SMYD3: variants seen among roughly 807,000 people sequenced by gnomAD.
SMYD3 encodes the protein histone-lysine N-methyltransferase SMYD3.
Under a neutral mutation model 57.7 loss-of-function variants are expected in SMYD3, and 36 were observed. The observed-to-expected ratio is 0.62, with a 90% confidence interval of 0.48 to 0.82. The LOEUF (loss-of-function observed/expected upper bound fraction) is 0.82. Ranked by LOEUF, SMYD3 falls within the 40% of genes least tolerant of loss-of-function variation. The pLI, the probability that SMYD3 is intolerant of heterozygous loss-of-function variation, is 0.00. For synonymous variants in SMYD3, 211 were observed against 195.0 expected (o/e 1.08, Z -0.68); for missense variants, 515 against 538.8 (o/e 0.96, Z 0.44).
At position 245,979,954 on chromosome 1, in the gene SMYD3, G is replaced by A. The variant is rs563641092; in HGVS notation, c.532-50017C>T. ...CTTCCAGATCCCAGGGGTGAGAAGC[G>A]CAGCTTCTGCGTCAGACACCAGTCT... On this transcript the variant is annotated intron_variant, in intron 5 of 11. Transcript: ENST00000490107. Among the ~76,000 whole-genome samples, 12 of 152,316 alleles carry A rather than the reference G, an allele frequency of 7.9e-5. No homozygotes were observed. In the East Asian group the frequency reaches 1.4e-3, roughly 17 times the overall value.
Position 246,431,252 on chromosome 1 carries a change from A to AT in SMYD3, c.164+75801dup, listed in dbSNP as rs1210872451. Among the ~76,000 whole-genome samples, 7 of 152,338 alleles carry AT rather than the reference A, an allele frequency of 4.6e-5. No homozygotes were observed. In the East Asian group the frequency reaches 1.3e-3, roughly 29 times the overall value. On this transcript the variant is annotated intron_variant, in intron 1 of 11. Transcript: ENST00000490107. ...AAAAAACAATAAACGCACACATAGG[A>AT]TTTTTACATTCAACAAGCATAACTA...
chr1:246,129,769 C>T (rs1448854842), intron 5 of SMYD3, among the ~76,000 whole-genome samples: 2 of 152,112 alleles, frequency 1.3e-5, no homozygotes, highest in African/African-American at 2.4e-5. Flanking sequence ...GTTCTGAACA[C>T]ATTTCTTTCT....
At chr1:246,065,609 T>C (rs2060327400) in intron 5 of SMYD3, among the ~76,000 whole-genome samples, 1 of 152,230 alleles carries the variant, frequency 6.6e-6, no homozygotes, top group Admixed American at 6.5e-5. Context: ...TTTCATCACC[T>C]ATAAACGTAA....
intron 11 of SMYD3, among the ~76,000 whole-genome samples, chr1:245,752,504 T>G (rs1210687097): frequency 1.3e-5 from 2 of 151,388 alleles, no homozygotes; most frequent in Non-Finnish European, 2.9e-5. Context: ...TTCAACAACA[T>G]AAGTTCACTG....
Position 245,998,534 on chromosome 1 carries a change from T to G in SMYD3, c.532-68597A>C, listed in dbSNP as rs576567107. On this transcript the variant is annotated intron_variant, in intron 5 of 11. Coordinates refer to ENST00000490107, the MANE Select transcript of SMYD3 (RefSeq NM_001167740.2). ...TGAAAAGTAAATATTGGTGAGGATG[T>G]AGAGAAACTGGAATCCTCGTGCATT... Among the ~76,000 whole-genome samples, 9 of 152,302 alleles carry G rather than the reference T, an allele frequency of 5.9e-5. No individual in the cohort carries two copies. In the South Asian group the frequency reaches 1.9e-3, roughly 32 times the overall value.
chr1:245,874,192 C>T (rs2052369353), intron 8 of SMYD3, among the ~76,000 whole-genome samples: 1 of 152,202 alleles, frequency 6.6e-6, no homozygotes, highest in Admixed American at 6.5e-5. Flanking sequence ...GAAGACAACA[C>T]TCAACATGGT....
At chr1:246,115,486 G>A (rs2061328487) in intron 5 of SMYD3, among the ~76,000 whole-genome samples, 1 of 152,096 alleles carries the variant, frequency 6.6e-6, no homozygotes, top group African/African-American at 2.4e-5. Flanking sequence ...TGTGTTACAG[G>A]GGGAAAAAAA....
chr1:246,296,496 T>C (rs1021988877), intron 5 of SMYD3, among the ~76,000 whole-genome samples: 2 of 152,190 alleles, frequency 1.3e-5, no homozygotes, highest in Non-Finnish European at 2.9e-5. Context: ...ATATAGTTAA[T>C]GCAGATTTAT....
intron 5 of SMYD3, among the ~76,000 whole-genome samples, chr1:245,993,607 TAGATAGATAGATAGATAGATAGATAGAC>T (rs1297162172): frequency 2.2e-3 from 170 of 76,734 alleles, no homozygotes; most frequent in Admixed American, 3.9e-3. Flanking sequence ...GATAGATAGA[TAGATAGATAGATAGATAGATAGATAGAC>T]AGACAGACAG....
intron 5 of SMYD3, among the ~76,000 whole-genome samples, chr1:246,032,458 C>T (rs943681280): frequency 2.6e-5 from 4 of 152,196 alleles, no homozygotes; most frequent in African/African-American, 9.6e-5. Context: ...CCTGCCCTAG[C>T]ACTGAAGGAG....
At chr1:246,126,174 G>A (rs1336772770) in intron 5 of SMYD3, among the ~76,000 whole-genome samples, 1 of 152,204 alleles carries the variant, frequency 6.6e-6, no homozygotes, top group African/African-American at 2.4e-5. Flanking sequence ...TCCCCATCTG[G>A]GCATGAGCAC....
intron 10 of SMYD3, among the ~76,000 whole-genome samples, chr1:245,851,481 C>T (rs1294264927): frequency 6.6e-6 from 1 of 152,192 alleles, no homozygotes; most frequent in Non-Finnish European, 1.5e-5. Context: ...CAAATGATAT[C>T]TCTTGCTCTG....
At position 245,823,573 on chromosome 1, in the gene SMYD3, A is replaced by G. The variant is rs1225540157; in HGVS notation, c.1076+34923T>C. ...AGCAGGATTTACCAAATTCAGCCAT[A>G]TGGACAATATTCACAGATACTCATT... On this transcript the variant is annotated intron_variant, in intron 10 of 11. Transcript: ENST00000490107. Among the ~76,000 whole-genome samples, 2 of 152,216 alleles carry G rather than the reference A, an allele frequency of 1.3e-5. 1 individual carries two copies. Among genetic ancestry groups the G allele is most frequent in the Middle Eastern group, 6.3e-3 (2 of 316 alleles).
At chr1:245,995,383 A>C (rs1471112662) in intron 5 of SMYD3, among the ~76,000 whole-genome samples, 2 of 152,234 alleles carry the variant, frequency 1.3e-5, no homozygotes, top group Non-Finnish European at 2.9e-5. Context: ...ATTTAGCCTA[A>C]GTCTGTTTAT....
chr1:245,946,768 C>T (rs766987841), intron 5 of SMYD3, among the ~76,000 whole-genome samples: 8 of 152,058 alleles, frequency 5.3e-5, no homozygotes, highest in Non-Finnish European at 1.0e-4. Flanking sequence ...CCAAGCACAG[C>T]GCCAGGCACT....
At chr1:245,805,315 T>C (rs917477148) in intron 10 of SMYD3, among the ~76,000 whole-genome samples, 5 of 152,194 alleles carry the variant, frequency 3.3e-5, no homozygotes, top group African/African-American at 1.2e-4. Flanking sequence ...GGATGTCAGG[T>C]ATACTGTGAA....
intron 5 of SMYD3, among the ~76,000 whole-genome samples, chr1:246,221,449 G>A (rs12039084): frequency 0.13 from 19,623 of 152,158 alleles, 1,811 homozygotes; most frequent in East Asian, 0.34. Context: ...TGCTCGCCAC[G>A]TTGTGGGCAA....
intron 1 of SMYD3, among the ~76,000 whole-genome samples, chr1:246,364,119 A>G (rs1024232334): frequency 2.0e-5 from 3 of 151,696 alleles, no homozygotes; most frequent in African/African-American, 7.3e-5. Context: ...TTTTCCCTGG[A>G]GCTTCCCAGA....
At chr1:245,799,362 G>A (rs1348067871) in intron 10 of SMYD3, among the ~76,000 whole-genome samples, 1 of 152,186 alleles carries the variant, frequency 6.6e-6, no homozygotes, top group Non-Finnish European at 1.5e-5. Context: ...ACTCAGCCCT[G>A]CTCTCAACTG....
Sources: allele counts gnomAD v4.1 joint callset (sites outside exome capture counted in the v4.1 genomes callset), GRCh38; gene constraint gnomAD v4.1.1; transcripts MANE v1.5; gene names NCBI Gene and HGNC (gene_info 2026-07-23, HGNC 2026-07-21).